Variants in PRKG1 observed in about 807,000 individuals in gnomAD.
The protein encoded by PRKG1 is cGMP-dependent protein kinase 1.
PRKG1 carries 35 observed loss-of-function variants against 88.1 expected under a neutral mutation model. The ratio of observed to expected loss-of-function variants is 0.40; its 90% CI spans 0.30 to 0.53. The LOEUF (loss-of-function observed/expected upper bound fraction) is 0.53. PRKG1 is among the 20% of genes least tolerant of loss of function. PRKG1 has a pLI of 0.59. For missense variants in PRKG1, 540 were observed against 839.8 expected (o/e 0.64, Z 4.41); for synonymous variants, 303 against 292.5 (o/e 1.04, Z -0.37).
At chr10:51,022,201 A>G (rs1366674151) in intron 1 of PRKG1, among the ~76,000 whole-genome samples, 1 of 152,180 alleles carries the variant, frequency 6.6e-6, no homozygotes, top group Admixed American at 6.5e-5. Context: ...TCCAGTTGTC[A>G]GTAATCAGAC....
At chr10:51,936,347 A>G (rs1364493767) in intron 5 of PRKG1, among the ~76,000 whole-genome samples, 1 of 152,082 alleles carries the variant, frequency 6.6e-6, no homozygotes, top group Non-Finnish European at 1.5e-5. Context: ...AATTCACAGC[A>G]TTTATAACAT....
At chr10:51,333,647 TA>T (rs1179551579) in intron 2 of PRKG1, among the ~76,000 whole-genome samples, 1 of 152,232 alleles carries the variant, frequency 6.6e-6, no homozygotes, top group East Asian at 1.9e-4. Context: ...TTATTTCAAA[TA>T]TTTTTTCTGG....
In PRKG1 at chr10:51,956,836, T is replaced by C. The variant is rs187906663; in HGVS notation, c.762+49266T>C. ...CCCATGTAAATCATCAAATTCTTTA[T>C]GTACTTACCATATTCACTGGTACTG... On this transcript the variant is annotated intron_variant, in intron 5 of 17. Transcript: ENST00000373980. 8.5e-5 allele frequency among the ~76,000 whole-genome samples: 13 copies of C among 152,296 alleles called. No individual in the cohort carries two copies. The East Asian group carries it at 2.3e-3, about 27-fold the overall frequency.
At chr10:52,265,786 C>T (rs1181981640) in intron 10 of PRKG1, among the ~76,000 whole-genome samples, 1 of 152,050 alleles carries the variant, frequency 6.6e-6, no homozygotes, top group Non-Finnish European at 1.5e-5. Flanking sequence ...AAGAACTTGT[C>T]AAAATCCTTG....
At position 52,133,884 on chromosome 10, in the gene PRKG1, C is replaced by G. The variant is rs138485549; in HGVS notation, c.980C>G (p.Thr327Ser). ...TANVIAAEAV[T>S]CLVIDRDSFK... ...AACGTAATTGCTGCAGAAGCTGTAA[C>G]CTGCCTTGTGATTGACAGAGAGTAA... Residue 327 changes from threonine to serine, a missense_variant, in exon 8 of 18, where the codon ACC (threonine) becomes AGC (serine). Transcript: ENST00000373980. The G allele has an allele frequency of 1.9e-6, 3 of 1,613,026 alleles. No homozygotes were observed. Among genetic ancestry groups the G allele is most frequent in the Non-Finnish European group, 2.5e-6 (3 of 1,179,298 alleles).
chr10:51,172,656 C>G (rs61849735), intron 2 of PRKG1, among the ~76,000 whole-genome samples: 8,780 of 43,776 alleles, frequency 0.2, 518 homozygotes, highest in African/African-American at 0.35. Flanking sequence ...ATGTATCTAT[C>G]TATCTATCTA....
chr10:51,548,909 C>A (rs1465696075), intron 3 of PRKG1, among the ~76,000 whole-genome samples: 1 of 151,880 alleles, frequency 6.6e-6, no homozygotes, highest in Non-Finnish European at 1.5e-5. Context: ...AACACCTTCC[C>A]AAAATGTTCA....
rs1158466399 is a variant in PRKG1, at chr10:51,593,916, AG to A, written c.592+126081del. Among the ~76,000 whole-genome samples, 31 of 151,948 alleles carry A rather than the reference AG, an allele frequency of 2.0e-4. 1 individual carries two copies. The highest frequency in any genetic ancestry group is 4.4e-5 in the Non-Finnish European group (3 of 67,982). On this transcript the variant is annotated intron_variant, in intron 3 of 17. Coordinates refer to ENST00000373980, the MANE Select transcript of PRKG1 (RefSeq NM_006258.4). Reference sequence around the variant, plus strand: ...ATTTTTGTATTTTTAGTAGAGATGGAGTTTCACCATGTTGACCAGGCTGATC... The same window carrying A: ...ATTTTTGTATTTTTAGTAGAGATGGATTTCACCATGTTGACCAGGCTGATC...
intron 2 of PRKG1, among the ~76,000 whole-genome samples, chr10:51,390,002 C>T (rs924613039): frequency 2.0e-5 from 3 of 152,204 alleles, no homozygotes; most frequent in Admixed American, 6.5e-5. Flanking sequence ...GGCAGAATGT[C>T]ATCCCTCCCT....
At chr10:52,176,628 A>G (rs368364822) in intron 9 of PRKG1, among the ~76,000 whole-genome samples, 5,562 of 152,276 alleles carry the variant, frequency 0.037, 125 homozygotes, top group Middle Eastern at 0.1. Flanking sequence ...ACATTTTAAC[A>G]GTATTAATTC....
chr10:51,096,054 A>T (rs184766759), intron 1 of PRKG1, among the ~76,000 whole-genome samples: 53 of 152,242 alleles, frequency 3.5e-4, no homozygotes, highest in Admixed American at 1.0e-3. Context: ...TGTGTGTGTG[A>T]TATTATTACA....
intron 9 of PRKG1, among the ~76,000 whole-genome samples, chr10:52,164,066 T>C (rs1338336899): frequency 6.6e-6 from 1 of 152,106 alleles, no homozygotes; most frequent in Non-Finnish European, 1.5e-5. Flanking sequence ...ATAAAGGTTA[T>C]AAAAATATGT....
intron 8 of PRKG1, among the ~76,000 whole-genome samples, chr10:52,151,072 C>G (rs774658712): frequency 3.9e-5 from 6 of 151,920 alleles, no homozygotes; most frequent in Admixed American, 3.9e-4. Flanking sequence ...AGTAGAGGAG[C>G]CTGAAATTTT....
At chr10:52,067,367 G>A (rs1319456335) in intron 7 of PRKG1, among the ~76,000 whole-genome samples, 1 of 152,112 alleles carries the variant, frequency 6.6e-6, no homozygotes, top group Admixed American at 6.5e-5. Context: ...GTTTCTGGTT[G>A]GAGATTGAGT....
intron 3 of PRKG1, among the ~76,000 whole-genome samples, chr10:51,726,957 T>C (rs1255571421): frequency 2.0e-5 from 3 of 151,976 alleles, no homozygotes; most frequent in Admixed American, 2.0e-4. Context: ...TTTTTTGTAT[T>C]TTTATTAGAG....
At chr10:51,344,971 C>G (rs1421605534) in intron 2 of PRKG1, among the ~76,000 whole-genome samples, 3 of 152,040 alleles carry the variant, frequency 2.0e-5, no homozygotes, top group Non-Finnish European at 4.4e-5. Context: ...ATACAAATAA[C>G]AAGACTGTTT....
At chr10:51,892,490 A>G (rs559286699) in intron 4 of PRKG1, among the ~76,000 whole-genome samples, 2 of 152,330 alleles carry the variant, frequency 1.3e-5, no homozygotes, top group Admixed American at 6.5e-5. Context: ...ATGGCTTCCC[A>G]TCATAGGAGT....
intron 1 of PRKG1, among the ~76,000 whole-genome samples, chr10:51,132,304 G>A (rs950031430): frequency 6.6e-6 from 1 of 152,068 alleles, no homozygotes; most frequent in Non-Finnish European, 1.5e-5. Flanking sequence ...GAAATTCCTG[G>A]TTCTCAGAGT....
intron 2 of PRKG1, among the ~76,000 whole-genome samples, chr10:51,402,954 A>C (rs994537907): frequency 2.0e-5 from 3 of 152,162 alleles, no homozygotes; most frequent in African/African-American, 7.2e-5. Context: ...GGATTTTTCT[A>C]AGTGATTAAA....
Sources: gnomAD v4.1 joint callset for allele counts (sites outside exome capture counted in the v4.1 genomes callset) on GRCh38, gnomAD v4.1.1 for gene constraint, MANE v1.5 for transcripts, NCBI Gene and HGNC (gene_info 2026-07-23, HGNC 2026-07-21) for gene names.